Variants in CRYBG3 observed in about 807,000 individuals in gnomAD.
The protein encoded by CRYBG3 is crystallin beta-gamma domain containing 3.
Under a neutral mutation model 244.2 loss-of-function variants are expected in CRYBG3, and 127 were observed. That is an observed-to-expected ratio of 0.52 (90% CI 0.45 to 0.60). The LOEUF is 0.60. Ranked by LOEUF, CRYBG3 falls within the 20% of genes least tolerant of loss-of-function variation. The pLI, the probability that CRYBG3 is intolerant of heterozygous loss-of-function variation, is 0.00. For missense variants in CRYBG3, 3,325 were observed against 3,442.5 expected, an observed-to-expected ratio of 0.97 and a Z score of 0.85; for synonymous variants, 1,132 against 1,195.8, an observed-to-expected ratio of 0.95 and a Z score of 1.10.
intron 1 of CRYBG3, among the ~76,000 whole-genome samples, chr3:97,840,433 A>G (rs1204541809): frequency 6.6e-6 from 1 of 152,160 alleles, no homozygotes; most frequent in Non-Finnish European, 1.5e-5. Flanking sequence ...ATTTTAAGAA[A>G]TATCAAGTAA....
chr3:97,828,872 A>C (rs1194341103), intron 1 of CRYBG3, among the ~76,000 whole-genome samples: 1 of 147,420 alleles, frequency 6.8e-6, no homozygotes, highest in African/African-American at 2.7e-5. Context: ...ACAAACAAAA[A>C]AAAACTTAAG....
chr3:97,864,544 A>C lies in CRYBG3; in HGVS notation c.544A>C (p.Thr182Pro), dbSNP rs1034185490. Residue 182 changes from threonine (T) to proline (P), a missense_variant, in exon 3 of 22, where the codon ACA (threonine) becomes CCA (proline). Around this residue, in one of 4 missense-constraint regions of CRYBG3, gnomAD observed 1,526 missense variants for 1,443.2 expected, o/e 1.06. Coordinates refer to ENST00000389622, the MANE Select transcript of CRYBG3 (RefSeq NM_153605.4). Reference protein sequence around the residue: ...EIFSGSLRTQTHPTEEQDSNS... With the variant: ...EIFSGSLRTQPHPTEEQDSNS... ...TTTCAGTGGCTCCCTAAGAACCCAGACACATCCAACAGAAGAACAAGACTC... is the reference window on the plus strand; with the variant it reads ...TTTCAGTGGCTCCCTAAGAACCCAGCCACATCCAACAGAAGAACAAGACTC... 1 of 1,535,826 alleles carries C rather than the reference A, an allele frequency of 6.5e-7. No individual in the cohort carries two copies. Among genetic ancestry groups the C allele is most frequent in the African/African-American group, 1.4e-5 (1 of 73,022 alleles).
chr3:97,918,944 A>C (rs189945101), intron 17 of CRYBG3, among the ~76,000 whole-genome samples: 1 of 152,322 alleles, frequency 6.6e-6, no homozygotes, highest in East Asian at 1.9e-4. Flanking sequence ...AGCAAGTCAT[A>C]AGACCAAGCC....
Position 97,906,780 on chromosome 3 carries a change from G to A in CRYBG3, c.8005-5387G>A, listed in dbSNP as rs1450146153. Reference sequence around the variant, plus strand: ...TGCCCTGGCCAGAACTTCCAACACTGTGTTGAATAGGAGTGGTGAGAGAGG... The same window carrying A: ...TGCCCTGGCCAGAACTTCCAACACTATGTTGAATAGGAGTGGTGAGAGAGG... On this transcript the variant is annotated intron_variant, in intron 15 of 21. Transcript: ENST00000389622. Among the ~76,000 whole-genome samples, 276 of 151,468 alleles carry A rather than the reference G, an allele frequency of 1.8e-3. 1 individual carries two copies. Among genetic ancestry groups the A allele is most frequent in the African/African-American group, 5.6e-3 (231 of 41,070 alleles).
At position 97,933,834 on chromosome 3, in the gene CRYBG3, G is replaced by C. The variant is rs1323041478; in HGVS notation, c.8381+1G>C. On this transcript the variant is annotated splice_donor_variant, in intron 18 of 21. Coordinates refer to ENST00000389622, the MANE Select transcript of CRYBG3 (RefSeq NM_153605.4). LOFTEE classifies it high-confidence loss of function. ...AGTCTGTGTGGGTAAAAAGTGGACT[G>C]TAAGTATGGGAAAAAGGCTTGGTCT... is the stretch of plus-strand genomic sequence containing the variant. 18 of 1,610,692 alleles carry C rather than the reference G, an allele frequency of 1.1e-5. No individual in the cohort carries two copies. The highest frequency in any genetic ancestry group is 1.5e-5 in the Non-Finnish European group (18 of 1,178,014).
chr3:97,899,898 T>G (rs186487869), intron 14 of CRYBG3, among the ~76,000 whole-genome samples: 87 of 152,358 alleles, frequency 5.7e-4, no homozygotes, highest in African/African-American at 1.9e-3. Context: ...TTCACACTCC[T>G]TCTTTGTAAT....
At chr3:97,840,601 C>T (rs541533475) in intron 1 of CRYBG3, 3 of 152,152 alleles carry the variant, frequency 2.0e-5, no homozygotes, top group Non-Finnish European at 4.4e-5. Context: ...CTGCCATAAT[C>T]TCATGAACTT....
intron 17 of CRYBG3, among the ~76,000 whole-genome samples, chr3:97,925,996 G>T (rs1450847497): frequency 6.6e-6 from 1 of 151,976 alleles, no homozygotes; most frequent in Non-Finnish European, 1.5e-5. Flanking sequence ...AGACCTTCTT[G>T]GTTCAAGTCC....
At chr3:97,831,613 A>G (rs1209515115) in intron 1 of CRYBG3, among the ~76,000 whole-genome samples, 1 of 152,136 alleles carries the variant, frequency 6.6e-6, no homozygotes, top group Non-Finnish European at 1.5e-5. Flanking sequence ...AAGTGAGTAT[A>G]TGATATTTTG....
chr3:97,887,880 T>C (rs114340278), intron 8 of CRYBG3, among the ~76,000 whole-genome samples: 4 of 152,322 alleles, frequency 2.6e-5, no homozygotes, highest in African/African-American at 4.8e-5. Flanking sequence ...GGGAATCCAA[T>C]TGCAAATACT....
In CRYBG3 at chr3:97,874,787, A is replaced by G; in HGVS notation, c.3593A>G (p.Lys1198Arg). ...QLLDLKSSLLKKADTLIGEIF... is the reference protein window; with the variant it reads ...QLLDLKSSLLRKADTLIGEIF... ...TTGGACCTCAAAAGTAGTTTACTCA[A>G]AAAGGCCGATACATTGATTGGTGAG... is the stretch of plus-strand genomic sequence containing the variant. Residue 1198 changes from lysine (K) to arginine (R), a missense_variant, in exon 4 of 22, where the codon AAA (lysine) becomes AGA (arginine). Lys to Arg is a conservative substitution (Grantham distance 26). Around this residue, in one of 4 missense-constraint regions of CRYBG3, gnomAD observed 1,526 missense variants for 1,443.2 expected, o/e 1.06. Coordinates refer to ENST00000389622, the MANE Select transcript of CRYBG3 (RefSeq NM_153605.4). The G allele has an allele frequency of 6.5e-7, 1 of 1,536,112 alleles. No homozygotes were observed.
Position 97,872,480 on chromosome 3 carries a change from C to T in CRYBG3, c.1286C>T (p.Pro429Leu). The T allele has an allele frequency of 3.9e-6, 6 of 1,535,974 alleles. No individual in the cohort carries two copies. Among genetic ancestry groups the T allele is most frequent in the Non-Finnish European group, 5.2e-6 (6 of 1,146,828 alleles). Residue 429 changes from proline (P) to leucine (L), a missense_variant, in exon 4 of 22, where the codon CCT (proline) becomes CTT (leucine). By Grantham distance (98) the Pro-to-Leu change is moderately conservative. This residue lies in a region of CRYBG3 where 1,526 missense variants were observed against 1,443.2 expected (regional missense o/e 1.06). Transcript: ENST00000389622. Reference protein sequence around the residue: ...TLVQREELVEPQGPAISDFSC... With the variant: ...TLVQREELVELQGPAISDFSC... ...GTGCAAAGAGAGGAGCTTGTTGAGC[C>T]TCAGGGCCCTGCTATTTCTGATTTC... is the stretch of plus-strand genomic sequence containing the variant.
Position 97,875,647 on chromosome 3 carries a change from G to T in CRYBG3, c.4453G>T (p.Asp1485Tyr), listed in dbSNP as rs1215113032. 7.3e-6 allele frequency: 9 copies of T among 1,234,428 alleles called. No homozygotes were observed. The highest frequency in any genetic ancestry group is 9.1e-6 in the Non-Finnish European group (9 of 989,842). 76.5% of individuals were successfully genotyped at this position (1,234,428 alleles called of 1,614,324 possible). A position where few individuals can be genotyped will look rare whatever the true frequency, so the allele number is the denominator to read the frequency against. ...NFKWPPLVND[D>Y]IHAPGTSKSS... is the part of the protein sequence containing the mutation. ...CAAATGGCCTCCACTTGTGAATGAT[G>T]ACATCCATGCACCTGGTACATCTAA... is the stretch of plus-strand genomic sequence containing the variant. Residue 1485 changes from aspartate (D) to tyrosine (Y), a missense_variant, in exon 4 of 22, where the codon GAC (aspartate) becomes TAC (tyrosine). This residue lies in a region of CRYBG3 where 635 missense variants were observed against 771.7 expected (regional missense o/e 0.82). Transcript: ENST00000389622.
At chr3:97,901,191 C>T (rs1245800496) in intron 15 of CRYBG3, among the ~76,000 whole-genome samples, 6 of 152,126 alleles carry the variant, frequency 3.9e-5, no homozygotes, top group African/African-American at 1.4e-4. Context: ...CAGGGTTTTA[C>T]ATCAAAGAAA....
chr3:97,827,637 C>G (rs1017515160), intron 1 of CRYBG3, among the ~76,000 whole-genome samples: 1 of 152,162 alleles, frequency 6.6e-6, no homozygotes, highest in Non-Finnish European at 1.5e-5. Flanking sequence ...AGGCCCTACC[C>G]TTTATTAAGG....
At chr3:97,933,867 T>A in intron 18 of CRYBG3, 34 bp downstream of exon 18, 2 of 1,598,922 alleles carry the variant, frequency 1.3e-6, no homozygotes, top group Non-Finnish European at 1.7e-6. Flanking sequence ...TCTGGTTCAG[T>A]TACTGTTTTA....
intron 1 of CRYBG3, among the ~76,000 whole-genome samples, chr3:97,837,667 G>C (rs898388992): frequency 3.3e-5 from 5 of 151,992 alleles, no homozygotes; most frequent in Non-Finnish European, 5.9e-5. Context: ...TAGATGTAAG[G>C]GCATTCCCAA....
intron 2 of CRYBG3, among the ~76,000 whole-genome samples, chr3:97,862,963 T>C (rs2039172213): frequency 6.6e-6 from 1 of 152,192 alleles, no homozygotes; most frequent in Non-Finnish European, 1.5e-5. Context: ...ACCTTTCATA[T>C]GCTAAATCTT....
At chr3:97,935,992 C>G (rs564551725) in intron 18 of CRYBG3, among the ~76,000 whole-genome samples, 2 of 152,202 alleles carry the variant, frequency 1.3e-5, no homozygotes, top group African/African-American at 4.8e-5. Context: ...CTTAGTGACT[C>G]CAGCACATTC....
Sources: allele counts gnomAD v4.1 joint callset (sites outside exome capture counted in the v4.1 genomes callset), GRCh38; gene constraint gnomAD v4.1.1; regional missense constraint gnomAD v4.1.1; transcripts MANE v1.5; gene names NCBI Gene and HGNC (gene_info 2026-07-23, HGNC 2026-07-21).